FAM133B: variants seen among roughly 807,000 people sequenced by gnomAD.
FAM133B encodes family with sequence similarity 133 member B.
In FAM133B, 25 loss-of-function variants were observed where a neutral mutation model predicts 46.4. That is an observed-to-expected ratio of 0.54 (90% CI 0.39 to 0.75). FAM133B has a LOEUF of 0.75. FAM133B is among the 30% of genes least tolerant of loss of function. The probability of loss-of-function intolerance (pLI) is 0.00; values close to 1 mark genes in which losing one functional copy is unlikely to be tolerated. For synonymous variants in FAM133B, 75 were observed against 86.0 expected (o/e 0.87, Z 0.71); for missense variants, 205 against 277.6 (o/e 0.74, Z 1.86).
intron 8 of FAM133B, among the ~76,000 whole-genome samples, chr7:92,573,063 A>G (rs990491907): frequency 6.6e-6 from 1 of 152,084 alleles, no homozygotes; most frequent in Non-Finnish European, 1.5e-5. Context: ...GTTATTTATG[A>G]ACACATACTA....
chr7:92,568,614 C>T (rs921385975), intron 9 of FAM133B, among the ~76,000 whole-genome samples: 2 of 151,098 alleles, frequency 1.3e-5, no homozygotes, highest in African/African-American at 2.4e-5. Flanking sequence ...GTGATCCACC[C>T]GCCTCAGCCT....
chr7:92,578,222 T>C, intron 4 of FAM133B, 40 bp from the exon 5 acceptor site: 1 of 1,608,836 alleles, frequency 6.2e-7, no homozygotes, highest in Non-Finnish European at 8.5e-7. Context: ...TAAGCTGATG[T>C]GAGTTTGCAA....
intron 1 of FAM133B, among the ~76,000 whole-genome samples, chr7:92,582,647 A>C (rs934132891): frequency 2.8e-4 from 43 of 152,220 alleles, no homozygotes; most frequent in African/African-American, 1.0e-3. Flanking sequence ...ACAACAACAA[A>C]AAAACTCCAA....
chr7:92,584,619 C>T (rs1794987446), intron 1 of FAM133B, among the ~76,000 whole-genome samples: 1 of 152,156 alleles, frequency 6.6e-6, no homozygotes, highest in Admixed American at 6.5e-5. Flanking sequence ...ACATCATATG[C>T]AATGTTAAAG....
At chr7:92,588,661 G>A (rs1047202045) in intron 1 of FAM133B, among the ~76,000 whole-genome samples, 2 of 152,200 alleles carry the variant, frequency 1.3e-5, no homozygotes, top group Non-Finnish European at 2.9e-5. Context: ...ATGTCGAATT[G>A]TAATCCCCAA....
intron 6 of FAM133B, 165 bp from the exon 7 acceptor site, chr7:92,577,360 T>C: frequency 2.1e-6 from 1 of 475,216 alleles, no homozygotes. Flanking sequence ...AAAGATCAAG[T>C]GATTTGAATC....
At chr7:92,574,562 T>C (rs566538149) in intron 8 of FAM133B, among the ~76,000 whole-genome samples, 9 of 152,300 alleles carry the variant, frequency 5.9e-5, no homozygotes, top group East Asian at 5.8e-4. Context: ...TTGTGTACCA[T>C]GGTATATTAA....
chr7:92,574,135 C>T (rs929570888), intron 8 of FAM133B, among the ~76,000 whole-genome samples: 2 of 152,086 alleles, frequency 1.3e-5, no homozygotes, highest in African/African-American at 4.8e-5. Context: ...TTATAAATGT[C>T]CATAGCATCA....
chr7:92,590,048 G>A (rs1795151513), intron 1 of FAM133B: 3 of 620,336 alleles, frequency 4.8e-6, no homozygotes, highest in Admixed American at 3.0e-5. Flanking sequence ...ACGAGGTGAG[G>A]GAAGAAAAAA....
chr7:92,588,602 GT>G (rs1224764599), intron 1 of FAM133B, among the ~76,000 whole-genome samples: 1 of 152,168 alleles, frequency 6.6e-6, no homozygotes, highest in African/African-American at 2.4e-5. Flanking sequence ...GAACTACAAA[GT>G]TTTTAAGATG....
chr7:92,571,075 T>A (rs563446033), intron 8 of FAM133B, among the ~76,000 whole-genome samples: 1 of 152,182 alleles, frequency 6.6e-6, no homozygotes, highest in Admixed American at 6.5e-5. Context: ...GAAAGAAATA[T>A]GGGTTCTTTG....
Position 92,577,844 on chromosome 7 carries a change from AAT to A in FAM133B, c.310-129_310-128del, listed in dbSNP as rs533073093. 648 of 766,430 alleles carry A rather than the reference AAT, an allele frequency of 8.5e-4. 2 individuals carry two copies. Among genetic ancestry groups the A allele is most frequent in the Middle Eastern group, 1.2e-3 (5 of 4,244 alleles). The allele number at this position is 766,430 out of a possible 1,614,324, so 47.5% of individuals were successfully genotyped here. A position where few individuals can be genotyped will look rare whatever the true frequency, so the allele number is the denominator to read the frequency against. ...ACAGATGCCATATTCATAAGTCATA[AAT>A]ATGAAAATATAAAATGTCACACTTG... On this transcript the variant is annotated intron_variant, in intron 5 of 10. Transcript: ENST00000445716.
At chr7:92,588,923 G>C (rs763804897) in intron 1 of FAM133B, among the ~76,000 whole-genome samples, 1 of 152,156 alleles carries the variant, frequency 6.6e-6, no homozygotes, top group Non-Finnish European at 1.5e-5. Context: ...ATGCCGCTAA[G>C]CTTCCTGTAC....
rs1016974524 is a variant in FAM133B at position 92,577,897 on chromosome 7, TAAC to T, written c.310-183_310-181del. 3 of 657,714 alleles carry T rather than the reference TAAC, an allele frequency of 4.6e-6. No individual in the cohort carries two copies. In the African/African-American group the frequency reaches 5.5e-5, roughly 12 times the overall value. 40.7% of individuals were successfully genotyped at this position (657,714 alleles called of 1,614,324 possible). On this transcript the variant is annotated intron_variant, in intron 5 of 10. Coordinates refer to ENST00000445716, the MANE Select transcript of FAM133B (RefSeq NM_152789.4). ...TTCCCTGTACAAAAGCTCAACAAGT[TAAC>T]ATATGTGGCCATGGTCACCAATCTT...
intron 9 of FAM133B, 157 bp downstream of exon 9, chr7:92,569,666 C>T: frequency 2.6e-6 from 1 of 387,376 alleles, no homozygotes; most frequent in East Asian, 4.1e-5. Flanking sequence ...TGGAAAAAAG[C>T]AAAACTCATT....
chr7:92,578,263 A>G (rs1241652423), intron 4 of FAM133B, 56 bp downstream of exon 4: 21 of 1,602,430 alleles, frequency 1.3e-5, no homozygotes, highest in Non-Finnish European at 1.6e-5. Flanking sequence ...ATACAGCATT[A>G]TTATGAAAAT....
At chr7:92,577,246 T>C (rs1794729592) in intron 6 of FAM133B, 51 bp from the exon 7 acceptor site, 1 of 1,240,274 alleles carries the variant, frequency 8.1e-7, no homozygotes, top group East Asian at 2.7e-5. Context: ...AAAATCTAAT[T>C]TACACATTTA....
chr7:92,586,130 A>G (rs754709161), intron 1 of FAM133B, among the ~76,000 whole-genome samples: 8 of 152,220 alleles, frequency 5.3e-5, no homozygotes, highest in Non-Finnish European at 8.8e-5. Context: ...GTAAAGTAGT[A>G]TATTCACATG....
chr7:92,578,473 C>T (rs1794768878), intron 3 of FAM133B, 80 bp from the exon 4 acceptor site: 8 of 1,224,228 alleles, frequency 6.5e-6, no homozygotes, highest in East Asian at 2.5e-5. Flanking sequence ...CCACTGCTTC[C>T]TTCCCTCCAT....
Sources: allele counts gnomAD v4.1 joint callset (sites outside exome capture counted in the v4.1 genomes callset), GRCh38; gene constraint gnomAD v4.1.1; transcripts MANE v1.5; gene names NCBI Gene and HGNC (gene_info 2026-07-23, HGNC 2026-07-21).